EEF1A2: variants seen among roughly 807,000 people sequenced by gnomAD.
The protein encoded by EEF1A2 is elongation factor 1-alpha 2.
A neutral mutation model predicts 39.3 loss-of-function variants in EEF1A2; 5 were observed. That is an observed-to-expected ratio of 0.13 (90% CI 0.07 to 0.27). The LOEUF (loss-of-function observed/expected upper bound fraction) is 0.27. EEF1A2 is among the 10% of genes least tolerant of loss of function. The pLI is 1.00. For missense variants in EEF1A2, 218 were observed against 681.4 expected (o/e 0.32, Z 7.57); for synonymous variants, 287 against 293.7 (o/e 0.98, Z 0.23).
chr20:63,496,040 AGC>A lies in EEF1A2; in HGVS notation c.145-7_145-6del, dbSNP rs781781112. The stretch of plus-strand genomic sequence containing the variant: ...CTTGAAGGATCCCTTCCCCATCTGG[AGC>A]GGGTGAGGGTCACGGCTGAGGGCGG... On this transcript the variant is annotated splice_region_variant and splice_polypyrimidine_tract_variant and intron_variant, in intron 2 of 7. Coordinates refer to ENST00000217182, the MANE Select transcript of EEF1A2 (RefSeq NM_001958.5). The A allele has an allele frequency of 1.9e-6, 3 of 1,612,326 alleles. No homozygotes were observed. Among genetic ancestry groups the A allele is most frequent in the Non-Finnish European group, 2.5e-6 (3 of 1,179,870 alleles).
At position 63,489,238 on chromosome 20, in the gene EEF1A2, C is replaced by G. The variant is rs1303915583; in HGVS notation, c.1030-86G>C. The G allele has an allele frequency of 2.5e-5, 35 of 1,374,852 alleles. No individual in the cohort carries two copies. The South Asian group carries it at 3.7e-4, about 14-fold the overall frequency. The allele number at this position is 1,374,852 out of a possible 1,614,324, so 85.2% of individuals were successfully genotyped here. A position where few individuals can be genotyped will look rare whatever the true frequency, so the allele number is the denominator to read the frequency against. ...AGAGCGGGGCTGGGAGGCCCAGTCA[C>G]CGGCGCCCCTGCACGGGCTCCTGGG... On this transcript the variant is annotated intron_variant, in intron 6 of 7. Transcript: ENST00000217182.
Position 63,497,768 on chromosome 20 carries a change from C to T in EEF1A2, c.-5G>A, listed in dbSNP as rs754559915. 6.2e-7 allele frequency: 1 copy of T among 1,610,992 alleles called. No individual in the cohort carries two copies. Among genetic ancestry groups the T allele is most frequent in the Non-Finnish European group, 8.5e-7 (1 of 1,178,736 alleles). The stretch of plus-strand genomic sequence containing the variant: ...GTGGGTCTTCTCCTTGCCCATTTTG[C>T]TGGGAGTGTGAGGGGCTGGCGGGAC... On this transcript the variant is annotated 5_prime_UTR_variant, in exon 2 of 8. Coordinates refer to ENST00000217182, the MANE Select transcript of EEF1A2 (RefSeq NM_001958.5). This position sits in a 1 kb window ranked among gnomAD's most constrained non-coding sequence, Gnocchi z 7.3.
intron 3 of EEF1A2, 82 bp downstream of exon 3, chr20:63,495,774 C>A: frequency 6.5e-7 from 1 of 1,531,248 alleles, no homozygotes; most frequent in South Asian, 1.2e-5. Context: ...ACCCTACCAT[C>A]CCAGTGACCC....
chr20:63,489,114 G>A lies in EEF1A2; in HGVS notation c.1068C>T (p.Gly356=), dbSNP rs1392704785. 37 of 1,612,636 alleles carry A rather than the reference G, an allele frequency of 2.3e-5. No homozygotes were observed. The highest frequency in any genetic ancestry group is 3.1e-5 in the Non-Finnish European group (36 of 1,179,930). Residue 356 remains glycine (G), a synonymous_variant, in exon 7 of 8, where the codon GGC becomes GGT. Coordinates refer to ENST00000217182, the MANE Select transcript of EEF1A2 (RefSeq NM_001958.5). The part of the protein sequence containing the change: ...ILNHPGQISA[G]YSPVIDCHTA... ...TGTGGCAGTCGATGACCGGGGAGTAGCCGGCGCTAATCTGCCCCGGGTGGT... is the reference window on the plus strand; with the variant it reads ...TGTGGCAGTCGATGACCGGGGAGTAACCGGCGCTAATCTGCCCCGGGTGGT...
intron 3 of EEF1A2, 145 bp downstream of exon 3, chr20:63,495,710 TG>T: frequency 3.0e-6 from 3 of 1,007,492 alleles, no homozygotes; most frequent in Non-Finnish European, 2.8e-6. Flanking sequence ...TGAGCCAGAC[TG>T]GGTGAGGGTG....
chr20:63,490,375 G>A, intron 6 of EEF1A2, 104 bp downstream of exon 6: 1 of 1,455,658 alleles, frequency 6.9e-7, no homozygotes, highest in African/African-American at 1.4e-5. Context: ...TGAGGGTCTG[G>A]TTTTCTCCCC....
Position 63,497,504 on chromosome 20 carries a change from C to G in EEF1A2, c.144+116G>C. 1.3e-6 allele frequency: 2 copies of G among 1,490,518 alleles called. No individual in the cohort carries two copies. Among genetic ancestry groups the G allele is most frequent in the Non-Finnish European group, 1.8e-6 (2 of 1,113,984 alleles). 92.3% of individuals were successfully genotyped at this position (1,490,518 alleles called of 1,614,324 possible). ...TGCCCCACAGCGGGGGTCCCTCCTG[C>G]CCTGGAGGAGGTCACCTGAGCCCCA... is the stretch of plus-strand genomic sequence containing the variant. On this transcript the variant is annotated intron_variant, in intron 2 of 7. Coordinates refer to ENST00000217182, the MANE Select transcript of EEF1A2 (RefSeq NM_001958.5). The surrounding 1 kb of genome is among the most constrained non-coding windows in gnomAD (Gnocchi z 7.3).
At chr20:63,493,903 A>C (rs1286023549) in intron 4 of EEF1A2, among the ~76,000 whole-genome samples, 1 of 152,250 alleles carries the variant, frequency 6.6e-6, no homozygotes, top group African/African-American at 2.4e-5. Context: ...CTCAGGCCAG[A>C]GGGGAGTGCA....
intron 4 of EEF1A2, among the ~76,000 whole-genome samples, chr20:63,494,301 G>C (rs1452665214): frequency 1.3e-5 from 2 of 152,228 alleles, no homozygotes; most frequent in Non-Finnish European, 2.9e-5. Flanking sequence ...TGAGCTCCCA[G>C]GTGACCGGCC....
chr20:63,489,239 C>A, intron 6 of EEF1A2, 87 bp from the exon 7 acceptor site: 1 of 1,366,342 alleles, frequency 7.3e-7, no homozygotes, highest in South Asian at 1.3e-5. Flanking sequence ...GCCCAGTCAC[C>A]GGCGCCCCTG....
intron 5 of EEF1A2, among the ~76,000 whole-genome samples, chr20:63,491,782 A>AAG (rs2082380570): frequency 7.0e-6 from 1 of 143,770 alleles, no homozygotes; most frequent in African/African-American, 2.6e-5. Context: ...GGATGGATGG[A>AAG]TGGATGGATG....
In EEF1A2 at chr20:63,497,693, G is replaced by A. The variant is rs1064795618; in HGVS notation, c.71C>T (p.Thr24Met). 6.2e-7 allele frequency: 1 copy of A among 1,613,140 alleles called. No individual in the cohort carries two copies. The highest frequency in any genetic ancestry group is 8.5e-7 in the Non-Finnish European group (1 of 1,179,888). Residue 24 changes from threonine to methionine, a missense_variant, in exon 2 of 8, where the codon ACG (threonine) becomes ATG (methionine). Physicochemically the swap from Thr to Met is moderately conservative, Grantham distance 81 (BLOSUM62 -1). Around this residue, in one of 4 missense-constraint regions of EEF1A2, gnomAD observed 28 missense variants for 156.2 expected, o/e 0.18. Transcript: ENST00000217182. This position sits in a 1 kb window ranked among gnomAD's most constrained non-coding sequence, Gnocchi z 7.3. ...GHVDSGKSTT[T>M]GHLIYKCGGI... ...TCCGCATTTGTAGATGAGGTGGCCC[G>A]TGGTGGTGGACTTTCCGGAGTCCAC...
rs374077620 is a variant in EEF1A2 at position 63,488,949 on chromosome 20, A to G, written c.1233T>C (p.Cys411=). 24 of 1,611,480 alleles carry G rather than the reference A, an allele frequency of 1.5e-5. No individual in the cohort carries two copies. Among genetic ancestry groups the G allele is most frequent in the Non-Finnish European group, 1.9e-5 (23 of 1,179,782 alleles). The part of the protein sequence containing the change: ...IVEMVPGKPM[C]VESFSQYPPL... Reference sequence around the variant, plus strand: ...GCGGGTACTGGGAGAAGCTCTCCACACACATGGGCTTTCCCGGCACCATCT... The same window carrying G: ...GCGGGTACTGGGAGAAGCTCTCCACGCACATGGGCTTTCCCGGCACCATCT... Residue 411 remains cysteine, a synonymous_variant, in exon 7 of 8, where the codon TGT becomes TGC. Coordinates refer to ENST00000217182, the MANE Select transcript of EEF1A2 (RefSeq NM_001958.5).
At position 63,498,240 on chromosome 20, in the gene EEF1A2, C is replaced by G. The variant is rs2082427322; in HGVS notation, c.-71-406G>C. On this transcript the variant is annotated intron_variant, in intron 1 of 7. Coordinates refer to ENST00000217182, the MANE Select transcript of EEF1A2 (RefSeq NM_001958.5). This position sits in a 1 kb window ranked among gnomAD's most constrained non-coding sequence, Gnocchi z 4.1. The stretch of plus-strand genomic sequence containing the variant: ...CGCACTCCCCTCCCCGGCGGCAGGG[C>G]CAGGGACACGGCGCCCCACCCCCAC... 6.6e-6 allele frequency: 1 copy of G among 152,634 alleles called. No homozygotes were observed. The highest frequency in any genetic ancestry group is 1.5e-5 in the Non-Finnish European group (1 of 68,462). The allele number at this position is 152,634 out of a possible 1,614,324, so 9.5% of individuals were successfully genotyped here.
intron 6 of EEF1A2, chr20:63,490,184 C>A (rs1334745611): frequency 1.0e-5 from 3 of 294,710 alleles, no homozygotes; most frequent in Non-Finnish European, 2.0e-5. Context: ...TCTCCTGCCT[C>A]AGCTTCCTGA....
chr20:63,493,030 G>C lies in EEF1A2; in HGVS notation c.772+107C>G, dbSNP rs189865348. 2.1e-4 allele frequency: 291 copies of C among 1,404,660 alleles called. 2 individuals are homozygous for C. In the East Asian group the frequency reaches 6.9e-3, roughly 33 times the overall value. The allele number at this position is 1,404,660 out of a possible 1,614,324, so 87.0% of individuals were successfully genotyped here. A position where few individuals can be genotyped will look rare whatever the true frequency, so the allele number is the denominator to read the frequency against. On this transcript the variant is annotated intron_variant, in intron 5 of 7. Transcript: ENST00000217182. The stretch of plus-strand genomic sequence containing the variant: ...CTGTCCCACAGAAAGTGTGTGGTAA[G>C]GGGAGAGATTGGAGACAGCCCAGTC...
chr20:63,489,450 CTG>C (rs1290151978), intron 6 of EEF1A2, among the ~76,000 whole-genome samples: 1 of 152,214 alleles, frequency 6.6e-6, no homozygotes, highest in African/African-American at 2.4e-5. Context: ...ACCTCAATTC[CTG>C]TGTTTCAGTT....
In EEF1A2 at chr20:63,497,519, C is replaced by T; in HGVS notation, c.144+101G>A. ...GTCCCTCCTGCCCTGGAGGAGGTCA[C>T]CTGAGCCCCATGCCCTGGGGCTGGG... On this transcript the variant is annotated intron_variant, in intron 2 of 7. Coordinates refer to ENST00000217182, the MANE Select transcript of EEF1A2 (RefSeq NM_001958.5). This position sits in a 1 kb window ranked among gnomAD's most constrained non-coding sequence, Gnocchi z 7.3. 2 of 1,523,002 alleles carry T rather than the reference C, an allele frequency of 1.3e-6. No homozygotes were observed. Among genetic ancestry groups the T allele is most frequent in the Non-Finnish European group, 1.8e-6 (2 of 1,133,040 alleles). The allele number at this position is 1,523,002 out of a possible 1,614,324, so 94.3% of individuals were successfully genotyped here.
rs757744067 is a variant in EEF1A2 at position 63,497,598 on chromosome 20, G to A, written c.144+22C>T. 2.4e-5 allele frequency: 39 copies of A among 1,606,244 alleles called. No homozygotes were observed. Among genetic ancestry groups the A allele is most frequent in the Middle Eastern group, 3.3e-4 (2 of 6,032 alleles). On this transcript the variant is annotated intron_variant, in intron 2 of 7. Transcript: ENST00000217182. This position sits in a 1 kb window ranked among gnomAD's most constrained non-coding sequence, Gnocchi z 7.3. ...TGGGGGTTCCTTCTCAGGGGGCCAAGACCATAGCCTGGGGAGCTCACCTCA... is the reference window on the plus strand; with the variant it reads ...TGGGGGTTCCTTCTCAGGGGGCCAAAACCATAGCCTGGGGAGCTCACCTCA...
Sources: allele counts gnomAD v4.1 joint callset (sites outside exome capture counted in the v4.1 genomes callset), GRCh38; gene constraint gnomAD v4.1.1; regional missense constraint gnomAD v4.1.1; non-coding constraint Gnocchi (gnomAD v3.1); transcripts MANE v1.5; gene names NCBI Gene and HGNC (gene_info 2026-07-23, HGNC 2026-07-21).